The following TSR1 variants were observed in gnomAD, a reference collection of about 807,000 sequenced individuals.
TSR1 encodes the protein TSR1 ribosome maturation factor.
Under a neutral mutation model 90.9 loss-of-function variants are expected in TSR1, and 81 were observed. The ratio of observed to expected loss-of-function variants is 0.89; its 90% CI spans 0.74 to 1.07. TSR1 has a LOEUF of 1.07. Ranked by LOEUF, TSR1 falls within the 50% of genes least tolerant of loss-of-function variation. The pLI, the probability that TSR1 is intolerant of heterozygous loss-of-function variation, is 0.00. For missense variants in TSR1, 989 were observed against 987.3 expected, an observed-to-expected ratio of 1.00 and a Z score of -0.02; for synonymous variants, 362 against 348.8, an observed-to-expected ratio of 1.04 and a Z score of -0.42.
intron 5 of TSR1, 33 bp from the exon 6 acceptor site, chr17:2,333,749 G>A: frequency 1.2e-6 from 2 of 1,612,470 alleles, no homozygotes; most frequent in East Asian, 2.2e-5. Context: ...AGTCAACCAT[G>A]AACCAAAAAT....
intron 12 of TSR1, 133 bp downstream of exon 12, chr17:2,325,171 A>G (rs778684624): frequency 1.9e-5 from 13 of 702,562 alleles, no homozygotes; most frequent in Non-Finnish European, 2.8e-5. Flanking sequence ...TGTTAAATGA[A>G]GACTTACTGT....
intron 8 of TSR1, among the ~76,000 whole-genome samples, chr17:2,331,854 C>T (rs538835830): frequency 6.6e-6 from 1 of 152,170 alleles, no homozygotes; most frequent in Non-Finnish European, 1.5e-5. Flanking sequence ...CTATTCTACC[C>T]AAACCCCCTA....
At chr17:2,332,617 A>G (rs1210426823) in intron 7 of TSR1, among the ~76,000 whole-genome samples, 1 of 152,178 alleles carries the variant, frequency 6.6e-6, no homozygotes, top group Non-Finnish European at 1.5e-5. Flanking sequence ...CAGGCGGATC[A>G]TGAGGTCAGG....
At position 2,328,997 on chromosome 17, in the gene TSR1, C is replaced by T. The variant is rs891494776; in HGVS notation, c.1903+346G>A. 5 of 330,928 alleles carry T rather than the reference C, an allele frequency of 1.5e-5. No individual in the cohort carries two copies. The East Asian group carries it at 1.9e-4, about 12-fold the overall frequency. 20.5% of individuals were successfully genotyped at this position (330,928 alleles called of 1,614,324 possible). A position where few individuals can be genotyped will look rare whatever the true frequency, so the allele number is the denominator to read the frequency against. On this transcript the variant is annotated intron_variant, in intron 11 of 14. Transcript: ENST00000301364. Reference sequence around the variant, plus strand: ...TTACCTTTTTTGGTCTTCAATTCCCCGTTCTAATGCCACAAGTGTTGGGAT... The same window carrying T: ...TTACCTTTTTTGGTCTTCAATTCCCTGTTCTAATGCCACAAGTGTTGGGAT...
chr17:2,336,058 G>C lies in TSR1; in HGVS notation c.180C>G (p.Leu60=). 6.2e-7 allele frequency: 1 copy of C among 1,614,160 alleles called. No homozygotes were observed. Among genetic ancestry groups the C allele is most frequent in the East Asian group, 2.2e-5 (1 of 44,878 alleles). ...RVDQRHRASQ[L]RKQKKEAVLA... Reference sequence around the variant, plus strand: ...TCACCGCCTCCTTCTTCTGCTTTCGGAGCTGGCTGGCGCGATGCCTCTGGT... The same window carrying C: ...TCACCGCCTCCTTCTTCTGCTTTCGCAGCTGGCTGGCGCGATGCCTCTGGT... Residue 60 remains leucine, a synonymous_variant, in exon 2 of 15, where the codon CTC becomes CTG. Coordinates refer to ENST00000301364, the MANE Select transcript of TSR1 (RefSeq NM_018128.5).
At chr17:2,333,214 C>G (rs748054473) in intron 6 of TSR1, 90 bp from the exon 7 acceptor site, 6 of 1,425,166 alleles carry the variant, frequency 4.2e-6, no homozygotes, top group African/African-American at 1.4e-5. Context: ...CCAGATACTG[C>G]TGCCAACATG....
In TSR1 at chr17:2,331,027, T is replaced by G; in HGVS notation, c.1579A>C (p.Ile527Leu). The change falls in exon 9 of 15, where the codon ATA becomes CTA. Residue 527 changes from isoleucine (I) to leucine (L), a missense_variant. Transcript: ENST00000301364. The part of the protein sequence containing the change: ...KENLPQDYAR[I>L]FQFQNFTNTR... ...TTAGTAAAGTTCTGAAACTGAAATATTCGAGCATAATCTTGAGGAAGGTTT... is the reference window on the plus strand; with the variant it reads ...TTAGTAAAGTTCTGAAACTGAAATAGTCGAGCATAATCTTGAGGAAGGTTT... 1 of 1,612,754 alleles carries G rather than the reference T, an allele frequency of 6.2e-7. No homozygotes were observed. Among genetic ancestry groups the G allele is most frequent in the Admixed American group, 1.7e-5 (1 of 59,620 alleles).
intron 14 of TSR1, 39 bp from the exon 15 acceptor site, chr17:2,324,413 A>C (rs2075561393): frequency 1.2e-6 from 2 of 1,600,832 alleles, no homozygotes; most frequent in East Asian, 4.5e-5. Flanking sequence ...AATTAAAAGT[A>C]GAAAATTTTA....
Position 2,335,675 on chromosome 17 carries a change from A to C in TSR1, c.257T>G (p.Leu86Arg). ...GGKDGPPHQV[L>R]VVPLHSRISL... ...AATTCTGCTGTGCAGGGGCACCACC[A>C]GTACCTGATGAGGAGGGCCATCCTT... Residue 86 changes from leucine (L) to arginine (R), a missense_variant, in exon 3 of 15, where the codon CTG (leucine) becomes CGG (arginine). By Grantham distance (102) the Leu-to-Arg change is moderately radical. Transcript: ENST00000301364. 1.2e-6 allele frequency: 2 copies of C among 1,614,114 alleles called. No homozygotes were observed. The highest frequency in any genetic ancestry group is 1.7e-6 in the Non-Finnish European group (2 of 1,180,028).
rs1256557639 is a variant in TSR1 at position 2,336,401 on chromosome 17, G to A, written c.27C>T (p.Leu9=). The A allele has an allele frequency of 2.5e-6, 4 of 1,612,284 alleles. No homozygotes were observed. Among genetic ancestry groups the A allele is most frequent in the South Asian group, 1.1e-5 (1 of 91,020 alleles). Residue 9 remains leucine (L), a synonymous_variant, in exon 1 of 15, where the codon CTC becomes CTT. Transcript: ENST00000301364. Reference sequence around the variant, plus strand: ...CTTTATGAGCTTTATTCTGCTGCTTGAGCGGGCCGGGGCGGTGGGCCGCCA... The same window carrying A: ...CTTTATGAGCTTTATTCTGCTGCTTAAGCGGGCCGGGGCGGTGGGCCGCCA... The part of the protein sequence containing the change: MAAHRPGP[L]KQQNKAHKGG...
At position 2,323,570 on chromosome 17, in the gene TSR1, C is replaced by A. The variant is rs920724249; in HGVS notation, c.*626G>T. On this transcript the variant is annotated 3_prime_UTR_variant, in exon 15 of 15. Coordinates refer to ENST00000301364, the MANE Select transcript of TSR1 (RefSeq NM_018128.5). ...GTACACAGTGATAAGAAAATTCAAA[C>A]TGGACACGTATTCTCATCTGAACTT... The A allele has an allele frequency of 1.4e-6, 2 of 1,407,672 alleles. No individual in the cohort carries two copies. The highest frequency in any genetic ancestry group is 1.8e-5 in the Admixed American group (1 of 56,512). 87.2% of individuals were successfully genotyped at this position (1,407,672 alleles called of 1,614,324 possible). A position where few individuals can be genotyped will look rare whatever the true frequency, so the allele number is the denominator to read the frequency against.
chr17:2,329,599 GGTGGA>G, intron 10 of TSR1, 124 bp from the exon 11 acceptor site: 1 of 1,205,862 alleles, frequency 8.3e-7, no homozygotes, highest in Non-Finnish European at 1.2e-6. Flanking sequence ...GCTAATTAAT[GGTGGA>G]GTGTAGATGC....
At chr17:2,325,517 T>C in intron 11 of TSR1, 97 bp from the exon 12 acceptor site, 1 of 899,178 alleles carries the variant, frequency 1.1e-6, no homozygotes. Flanking sequence ...CTCTTAAACC[T>C]ATGGCAGCTT....
rs762276377 is a variant in TSR1 at position 2,324,191 on chromosome 17, A to G, written c.*5T>C. The G allele has an allele frequency of 5.3e-6, 8 of 1,516,620 alleles. No individual in the cohort carries two copies. The highest frequency in any genetic ancestry group is 4.7e-5 in the Admixed American group (2 of 42,988). The allele number at this position is 1,516,620 out of a possible 1,614,324, so 93.9% of individuals were successfully genotyped here. A position where few individuals can be genotyped will look rare whatever the true frequency, so the allele number is the denominator to read the frequency against. Reference sequence around the variant, plus strand: ...CACCGGTAAGACAGAATCTCTTTGAATCCATTACTCCATGCCCCCTTGAGG... The same window carrying G: ...CACCGGTAAGACAGAATCTCTTTGAGTCCATTACTCCATGCCCCCTTGAGG... On this transcript the variant is annotated 3_prime_UTR_variant, in exon 15 of 15. Transcript: ENST00000301364.
At chr17:2,324,416 A>C (rs1597273067) in intron 14 of TSR1, 42 bp from the exon 15 acceptor site, 1 of 1,601,294 alleles carries the variant, frequency 6.2e-7, no homozygotes, top group South Asian at 1.1e-5. Context: ...TAAAAGTAGA[A>C]AATTTTAAAG....
rs1385060530 is a variant in TSR1, at chr17:2,323,452, C to T, written c.*744G>A. 4.5e-6 allele frequency: 6 copies of T among 1,328,670 alleles called. No individual in the cohort carries two copies. The highest frequency in any genetic ancestry group is 3.8e-5 in the Admixed American group (2 of 51,952). 82.3% of individuals were successfully genotyped at this position (1,328,670 alleles called of 1,614,324 possible). A position where few individuals can be genotyped will look rare whatever the true frequency, so the allele number is the denominator to read the frequency against. On this transcript the variant is annotated 3_prime_UTR_variant, in exon 15 of 15. Coordinates refer to ENST00000301364, the MANE Select transcript of TSR1 (RefSeq NM_018128.5). ...GACCCACGGGAACCTGACTAGGTAA[C>T]TTCATGACATGGGAGGGTACCCTAG...
chr17:2,330,899 T>C lies in TSR1; in HGVS notation c.1659+48A>G, dbSNP rs748873063. The C allele has an allele frequency of 6.5e-6, 10 of 1,534,278 alleles. No individual in the cohort carries two copies. The African/African-American group carries it at 9.7e-5, about 15-fold the overall frequency. On this transcript the variant is annotated intron_variant, in intron 9 of 14. Coordinates refer to ENST00000301364, the MANE Select transcript of TSR1 (RefSeq NM_018128.5). ...AAGAGAAGGAATAAAGTAGGGAGCA[T>C]GTTGACAAATGAAAGCAACATACAA... is the stretch of plus-strand genomic sequence containing the variant.
At chr17:2,324,478 T>G in intron 14 of TSR1, 26 bp downstream of exon 14, 1 of 1,614,142 alleles carries the variant, frequency 6.2e-7, no homozygotes, top group Non-Finnish European at 8.5e-7. Flanking sequence ...AATGCAGACA[T>G]GGTCTCAAAT....
chr17:2,330,300 C>T (rs758678068), intron 10 of TSR1: 5 of 684,634 alleles, frequency 7.3e-6, no homozygotes, highest in Admixed American at 1.8e-5. Flanking sequence ...CAGAACCACA[C>T]AGAGATTGCA....
Sources: gnomAD v4.1 joint callset for allele counts (sites outside exome capture counted in the v4.1 genomes callset) on GRCh38, gnomAD v4.1.1 for gene constraint, MANE v1.5 for transcripts, NCBI Gene and HGNC (gene_info 2026-07-23, HGNC 2026-07-21) for gene names.